The following ASB18 variants were observed in gnomAD, a reference collection of about 807,000 sequenced individuals.
The protein encoded by ASB18 is ankyrin repeat and SOCS box protein 18.
ASB18 carries 33 observed loss-of-function variants against 33.4 expected under a neutral mutation model. The ratio of observed to expected loss-of-function variants is 0.99; its 90% CI spans 0.75 to 1.32. The LOEUF (loss-of-function observed/expected upper bound fraction) is 1.32, where lower values mean the gene tolerates loss of function less well. ASB18 is among the 40% of genes most tolerant of loss of function. The pLI is 0.00. For synonymous variants in ASB18, 295 were observed against 307.6 expected (o/e 0.96, Z 0.43); for missense variants, 694 against 655.5 (o/e 1.06, Z -0.64).
At chr2:236,197,938 T>G (rs1353237046) in intron 4 of ASB18, among the ~76,000 whole-genome samples, 1 of 152,226 alleles carries the variant, frequency 6.6e-6, no homozygotes, top group Non-Finnish European at 1.5e-5. Context: ...AATCGTTCTT[T>G]CTATTTCTTG....
In ASB18 at chr2:236,209,238, C is replaced by A. The variant is rs953831580; in HGVS notation, c.1101+5124G>T. 2.7e-5 allele frequency among the ~76,000 whole-genome samples: 4 copies of A among 149,980 alleles called. No individual in the cohort carries two copies. The highest frequency in any genetic ancestry group is 7.4e-5 in the African/African-American group (3 of 40,812). On this transcript the variant is annotated intron_variant, in intron 4 of 5. Coordinates refer to ENST00000409749, the MANE Select transcript of ASB18 (RefSeq NM_212556.4). This position sits in a 1 kb window ranked among gnomAD's most constrained non-coding sequence, Gnocchi z 4.4. The stretch of plus-strand genomic sequence containing the variant: ...TATGGTTAGTGCCCAGAAGCTGAGA[C>A]AAGACCAGAGATTTGCAGATGTTTC...
chr2:236,212,468 T>C (rs944345123), intron 4 of ASB18, among the ~76,000 whole-genome samples: 3 of 152,226 alleles, frequency 2.0e-5, no homozygotes, highest in African/African-American at 7.2e-5. Context: ...ATTTCAAGGC[T>C]AACAAAGGAT....
At chr2:236,246,230 G>A (rs951830612) in intron 1 of ASB18, among the ~76,000 whole-genome samples, 2 of 151,784 alleles carry the variant, frequency 1.3e-5, no homozygotes, top group Admixed American at 6.6e-5. Context: ...GCACATGCCT[G>A]TAATCCCAGC....
rs10929175 is a variant in ASB18 at position 236,208,561 on chromosome 2, A to T, written c.1101+5801T>A. On this transcript the variant is annotated intron_variant, in intron 4 of 5. Coordinates refer to ENST00000409749, the MANE Select transcript of ASB18 (RefSeq NM_212556.4). This position sits in a 1 kb window ranked among gnomAD's most constrained non-coding sequence, Gnocchi z 7.7. ...CCCAGGGACTGCAGGTAACCCGGAC[A>T]TGCCCCACCCTGGGAAGAGGTGCCC... Among the ~76,000 whole-genome samples the T allele has an allele frequency of 6.6e-6, 1 of 151,968 alleles. No homozygotes were observed. Among genetic ancestry groups the T allele is most frequent in the African/African-American group, 2.4e-5 (1 of 41,358 alleles).
In ASB18 at chr2:236,248,321, G is replaced by C. The variant is rs2060653432; in HGVS notation, c.206-6919C>G. 6.6e-6 allele frequency: 1 copy of C among 152,094 alleles called. No homozygotes were observed. Among genetic ancestry groups the C allele is most frequent in the Non-Finnish European group, 1.5e-5 (1 of 68,056 alleles). 9.4% of individuals were successfully genotyped at this position (152,094 alleles called of 1,614,324 possible). ...AAAAAGTCCCCAGGTGGCTGGATGT[G>C]GTGGCTCATGCCTGTAATCCCAGCA... On this transcript the variant is annotated intron_variant, in intron 1 of 5. Transcript: ENST00000409749. This position sits in a 1 kb window ranked among gnomAD's most constrained non-coding sequence, Gnocchi z 4.9.
intron 3 of ASB18, among the ~76,000 whole-genome samples, chr2:236,236,797 G>C (rs917250902): frequency 6.6e-6 from 1 of 152,222 alleles, no homozygotes; most frequent in South Asian, 2.1e-4. Context: ...AGAGCCGCGC[G>C]GGTTCCCAGC....
chr2:236,261,536 A>G (rs1423628415), intron 1 of ASB18, among the ~76,000 whole-genome samples: 1 of 152,288 alleles, frequency 6.6e-6, no homozygotes, highest in African/African-American at 2.4e-5. Flanking sequence ...GTGCCCTAGG[A>G]TCATGTGTTT....
rs1333166059 is a variant in ASB18 at position 236,225,904 on chromosome 2, T to C, written c.597-11038A>G. On this transcript the variant is annotated intron_variant, in intron 3 of 5. Transcript: ENST00000409749. This position sits in a 1 kb window ranked among gnomAD's most constrained non-coding sequence, Gnocchi z 5.1. ...GATGGAGCAGAACGGGGTCCCTAGGTGTGGAGACCATTGTCATCAAGAGTC... is the reference window on the plus strand; with the variant it reads ...GATGGAGCAGAACGGGGTCCCTAGGCGTGGAGACCATTGTCATCAAGAGTC... 2.6e-5 allele frequency among the ~76,000 whole-genome samples: 4 copies of C among 151,918 alleles called. No individual in the cohort carries two copies. The highest frequency in any genetic ancestry group is 9.7e-5 in the African/African-American group (4 of 41,354).
rs755537273 is a variant in ASB18 at position 236,214,334 on chromosome 2, G to C, written c.1101+28C>G. On this transcript the variant is annotated intron_variant, in intron 4 of 5. Transcript: ENST00000409749. This position sits in a 1 kb window ranked among gnomAD's most constrained non-coding sequence, Gnocchi z 6.5. ...ACTAAGTGGCAAAACTCCAGGGCAC[G>C]TGCCAGCCGGGCTGGATCCTGCCTT... The C allele has an allele frequency of 6.4e-7, 1 of 1,552,170 alleles. No homozygotes were observed. Among genetic ancestry groups the C allele is most frequent in the South Asian group, 1.2e-5 (1 of 84,560 alleles).
intron 3 of ASB18, among the ~76,000 whole-genome samples, chr2:236,236,882 G>A (rs2060593191): frequency 6.6e-6 from 1 of 152,202 alleles, no homozygotes; most frequent in African/African-American, 2.4e-5. Context: ...AAGGGCAGGG[G>A]CTGGAGCATT....
chr2:236,261,951 A>G (rs1007367399), intron 1 of ASB18, among the ~76,000 whole-genome samples: 1 of 152,158 alleles, frequency 6.6e-6, no homozygotes, highest in Non-Finnish European at 1.5e-5. Flanking sequence ...CCATGATTCA[A>G]TTATCTCCCA....
chr2:236,201,021 T>C (rs544281080), intron 4 of ASB18, among the ~76,000 whole-genome samples: 22 of 152,230 alleles, frequency 1.4e-4, no homozygotes, highest in African/African-American at 3.9e-4. Flanking sequence ...TTTCCTAGAG[T>C]CATAATAAAG....
chr2:236,196,287 A>C lies in ASB18; in HGVS notation c.1200T>G (p.Pro400=). 6.4e-7 allele frequency: 1 copy of C among 1,551,746 alleles called. No homozygotes were observed. Among genetic ancestry groups the C allele is most frequent in the South Asian group, 1.2e-5 (1 of 84,276 alleles). The change falls in exon 5 of 6, where the codon CCT becomes CCG. Residue 400 remains proline (P), a synonymous_variant. Transcript: ENST00000409749. The surrounding 1 kb of genome is among the most constrained non-coding windows in gnomAD (Gnocchi z 5.6). The part of the protein sequence containing the change: ...CLSESWKEVI[P]EEVFQMHKPF... ...GCCCTCTTGCCTGGAATACTTCCTC[A>C]GGAATCACTTCCTTCCAGGACTCTG... is the stretch of plus-strand genomic sequence containing the variant.
At position 236,259,307 on chromosome 2, in the gene ASB18, C is replaced by T. The variant is rs1178962484; in HGVS notation, c.205+4834G>A. On this transcript the variant is annotated intron_variant, in intron 1 of 5. Transcript: ENST00000409749. The surrounding 1 kb of genome is among the most constrained non-coding windows in gnomAD (Gnocchi z 4.4). ...GAGCTTAGCTCTTCCATGCCAATCA[C>T]TGCACCCAGAGTCCAAGCTTTCTCT... Among the ~76,000 whole-genome samples, 4 of 152,236 alleles carry T rather than the reference C, an allele frequency of 2.6e-5. No homozygotes were observed. The highest frequency in any genetic ancestry group is 2.6e-4 in the Admixed American group (4 of 15,286).
intron 1 of ASB18, among the ~76,000 whole-genome samples, chr2:236,246,813 C>T (rs2060646827): frequency 6.6e-6 from 1 of 152,202 alleles, no homozygotes; most frequent in South Asian, 2.1e-4. Flanking sequence ...TTTCTCTAAG[C>T]ATAGCCATTT....
At position 236,251,159 on chromosome 2, in the gene ASB18, C is replaced by T. The variant is rs895053677; in HGVS notation, c.206-9757G>A. Reference sequence around the variant, plus strand: ...GTGATCTTATCCAAAGGTCAAGTGCCGCTTTCATTGGCAGCCCAGGAGGGC... The same window carrying T: ...GTGATCTTATCCAAAGGTCAAGTGCTGCTTTCATTGGCAGCCCAGGAGGGC... On this transcript the variant is annotated intron_variant, in intron 1 of 5. Coordinates refer to ENST00000409749, the MANE Select transcript of ASB18 (RefSeq NM_212556.4). This position sits in a 1 kb window ranked among gnomAD's most constrained non-coding sequence, Gnocchi z 5.3. Among the ~76,000 whole-genome samples the T allele has an allele frequency of 2.4e-4, 37 of 152,200 alleles. No individual in the cohort carries two copies. Among genetic ancestry groups the T allele is most frequent in the Non-Finnish European group, 7.3e-5 (5 of 68,030 alleles).
In ASB18 at chr2:236,205,317, G is replaced by A. The variant is rs758483439; in HGVS notation, c.1102-8932C>T. On this transcript the variant is annotated intron_variant, in intron 4 of 5. Coordinates refer to ENST00000409749, the MANE Select transcript of ASB18 (RefSeq NM_212556.4). The surrounding 1 kb of genome is among the most constrained non-coding windows in gnomAD (Gnocchi z 5.4). ...ACACTGGTCCCCTGTGGTTCTGTGC[G>A]CAGGGCTGGCCCACTCCAGCCTTAG... is the stretch of plus-strand genomic sequence containing the variant. 6.6e-5 allele frequency among the ~76,000 whole-genome samples: 10 copies of A among 152,120 alleles called. No homozygotes were observed. In the South Asian group the frequency reaches 1.7e-3, roughly 25 times the overall value.
rs12329227 is a variant in ASB18 at position 236,196,021 on chromosome 2, C to T, written c.1215+251G>A. ...GGACACTGGTTAAGGAACCCTCGCGCTTTTCAGGCCAGCACGGGGCTCTGA... is the reference window on the plus strand; with the variant it reads ...GGACACTGGTTAAGGAACCCTCGCGTTTTTCAGGCCAGCACGGGGCTCTGA... On this transcript the variant is annotated intron_variant, in intron 5 of 5. Transcript: ENST00000409749. This position sits in a 1 kb window ranked among gnomAD's most constrained non-coding sequence, Gnocchi z 5.6. 65,936 of 510,674 alleles carry T rather than the reference C, an allele frequency of 0.13. 4,935 individuals are homozygous for T. Among genetic ancestry groups the T allele is most frequent in the African/African-American group, 0.22 (11,239 of 51,378 alleles). 31.6% of individuals were successfully genotyped at this position (510,674 alleles called of 1,614,324 possible).
chr2:236,263,535 T>C lies in ASB18; in HGVS notation c.205+606A>G, dbSNP rs565918682. On this transcript the variant is annotated intron_variant, in intron 1 of 5. Transcript: ENST00000409749. The surrounding 1 kb of genome is among the most constrained non-coding windows in gnomAD (Gnocchi z 4.0). ...CTTGCGGAAAACAATTTGGAACCAA[T>C]TTAGAAACAATACAATTTGAAAAAA... Among the ~76,000 whole-genome samples, 1 of 152,304 alleles carries C rather than the reference T, an allele frequency of 6.6e-6. No individual in the cohort carries two copies. The highest frequency in any genetic ancestry group is 6.5e-5 in the Admixed American group (1 of 15,298).
Sources: allele counts gnomAD v4.1 joint callset (sites outside exome capture counted in the v4.1 genomes callset), GRCh38; gene constraint gnomAD v4.1.1; non-coding constraint Gnocchi (gnomAD v3.1); transcripts MANE v1.5; gene names NCBI Gene and HGNC (gene_info 2026-07-23, HGNC 2026-07-21).